Variants in HERC4 observed in about 807,000 individuals in gnomAD.
HERC4 encodes probable E3 ubiquitin-protein ligase HERC4.
In HERC4, 28 loss-of-function variants were observed where a neutral mutation model predicts 124.3. That is an observed-to-expected ratio of 0.23 (90% confidence interval 0.17 to 0.31). HERC4 has a LOEUF of 0.31. Among genes scored for constraint, HERC4 ranks in the 10% least tolerant of loss-of-function variants. The pLI, the probability that HERC4 is intolerant of heterozygous loss-of-function variation, is 1.00. For synonymous variants in HERC4, 407 were observed against 421.5 expected, an observed-to-expected ratio of 0.97 and a Z score of 0.42; for missense variants, 713 against 1,229.3, an observed-to-expected ratio of 0.58 and a Z score of 6.28.
At chr10:68,016,714 C>T (rs2038292455) in intron 8 of HERC4, among the ~76,000 whole-genome samples, 1 of 152,162 alleles carries the variant, frequency 6.6e-6, no homozygotes, top group Non-Finnish European at 1.5e-5. Context: ...CAGATACCTA[C>T]TTACACTTCC....
At chr10:67,925,534 C>A (rs1190449091) in intron 23 of HERC4, among the ~76,000 whole-genome samples, 2 of 152,108 alleles carry the variant, frequency 1.3e-5, no homozygotes, top group African/African-American at 2.4e-5. Context: ...TATTCATGAA[C>A]AGAAGTCAAA....
chr10:67,982,157 G>A (rs896511864), intron 15 of HERC4, among the ~76,000 whole-genome samples: 4 of 152,160 alleles, frequency 2.6e-5, no homozygotes, highest in Admixed American at 2.0e-4. Context: ...AATAGTCAAA[G>A]CTATCTTAAG....
intron 3 of HERC4, among the ~76,000 whole-genome samples, chr10:68,045,024 GA>G (rs2039949742): frequency 1.3e-5 from 2 of 152,160 alleles, no homozygotes; most frequent in Admixed American, 1.3e-4. Context: ...AAGTGATTCT[GA>G]AATTAAGGAA....
At chr10:68,044,222 T>C (rs1293477604) in intron 4 of HERC4, among the ~76,000 whole-genome samples, 182 bp downstream of exon 4, 1 of 151,990 alleles carries the variant, frequency 6.6e-6, no homozygotes, top group East Asian at 1.9e-4. Flanking sequence ...TATATAAAAA[T>C]AGCAAATCAA....
At chr10:67,946,383 AC>A (rs1175954012) in intron 19 of HERC4, among the ~76,000 whole-genome samples, 6 of 145,344 alleles carry the variant, frequency 4.1e-5, no homozygotes, top group African/African-American at 1.5e-4. Context: ...ACACACACAC[AC>A]ACACACACAC....
chr10:67,929,829 TGAGA>T (rs2031583447), intron 23 of HERC4, among the ~76,000 whole-genome samples: 1 of 150,598 alleles, frequency 6.6e-6, no homozygotes, highest in African/African-American at 2.5e-5. Context: ...ATTTTTTTTT[TGAGA>T]TGGAGTTTCA....
chr10:67,989,630 G>A (rs1230858786), intron 14 of HERC4, among the ~76,000 whole-genome samples: 1 of 151,706 alleles, frequency 6.6e-6, no homozygotes, highest in Non-Finnish European at 1.5e-5. Context: ...GTTAAATGTA[G>A]CAAAAAAAGT....
At chr10:68,003,014 C>A (rs1001002581) in intron 9 of HERC4, among the ~76,000 whole-genome samples, 3 of 152,066 alleles carry the variant, frequency 2.0e-5, no homozygotes, top group African/African-American at 7.3e-5. Context: ...GAGTATCCAT[C>A]CCCTCAAGCA....
chr10:68,051,587 C>G (rs1021726038), intron 3 of HERC4, among the ~76,000 whole-genome samples: 2 of 151,942 alleles, frequency 1.3e-5, no homozygotes, highest in East Asian at 1.9e-4. Flanking sequence ...TCTTAATCTC[C>G]TGACCTCGTG....
At chr10:68,016,148 G>A (rs1222605736) in intron 8 of HERC4, among the ~76,000 whole-genome samples, 2 of 152,098 alleles carry the variant, frequency 1.3e-5, no homozygotes, top group African/African-American at 4.8e-5. Context: ...ATAAAGTGGG[G>A]TTCAGAGCCA....
chr10:67,985,505 G>A (rs1469729026), intron 15 of HERC4, among the ~76,000 whole-genome samples: 1 of 152,154 alleles, frequency 6.6e-6, no homozygotes, highest in African/African-American at 2.4e-5. Context: ...GTTCAAGGGT[G>A]GTTATGGTGA....
intron 4 of HERC4, 90 bp downstream of exon 4, chr10:68,044,314 C>A: frequency 7.8e-7 from 1 of 1,286,030 alleles, no homozygotes; most frequent in Non-Finnish European, 1.1e-6. Flanking sequence ...GATGTCAACT[C>A]TTACAGGCCC....
chr10:68,031,734 T>A (rs998818550), intron 7 of HERC4, among the ~76,000 whole-genome samples: 10 of 152,208 alleles, frequency 6.6e-5, no homozygotes, highest in Non-Finnish European at 8.8e-5. Context: ...TGTAGAATTT[T>A]AAAGCCTGAT....
At chr10:68,065,796 G>A (rs898949681) in intron 3 of HERC4, among the ~76,000 whole-genome samples, 2 of 152,038 alleles carry the variant, frequency 1.3e-5, no homozygotes, top group African/African-American at 2.4e-5. Flanking sequence ...GGAAGTCGAG[G>A]CTGCATTGAG....
rs143879879 is a variant in HERC4, at chr10:68,002,855, C to T, written c.1070-10173G>A. Among the ~76,000 whole-genome samples, 925 of 152,038 alleles carry T rather than the reference C, an allele frequency of 6.1e-3. 12 individuals carry two copies. The highest frequency in any genetic ancestry group is 0.021 in the African/African-American group (861 of 41,488). On this transcript the variant is annotated intron_variant, in intron 9 of 24. Coordinates refer to ENST00000373700, the MANE Select transcript of HERC4 (RefSeq NM_015601.4). ...TCTCAAGTGATGTGCATACCTTGGC[C>T]TCCCAAAGTGCTGGGATTACAAGCC...
At chr10:67,956,833 CAAAG>C in intron 17 of HERC4, 41 bp downstream of exon 17, 1 of 1,249,424 alleles carries the variant, frequency 8.0e-7, no homozygotes, top group Non-Finnish European at 1.1e-6. Context: ...CCAGAAACAT[CAAAG>C]AAACAATTAA....
Position 67,990,916 on chromosome 10 carries a change from C to T in HERC4, c.1431G>A (p.Gln477=). ...TTTAAAAACAGACCTGCTGAGATAT[C>T]TGCGGATGATCAGGTTGTATAAGTT... ...FHKLIQPDHP[Q]ISQQVAASLE... The change falls in exon 13 of 25, where the codon CAG becomes CAA. Residue 477 remains glutamine (Q), a synonymous_variant. Transcript: ENST00000373700. 6.3e-7 allele frequency: 1 copy of T among 1,593,360 alleles called. No individual in the cohort carries two copies. Among genetic ancestry groups the T allele is most frequent in the South Asian group, 1.1e-5 (1 of 87,926 alleles).
intron 3 of HERC4, among the ~76,000 whole-genome samples, chr10:68,051,606 G>A (rs1487817323): frequency 1.3e-4 from 19 of 151,074 alleles, no homozygotes; most frequent in African/African-American, 3.7e-4. Flanking sequence ...TGATCCGCCC[G>A]CCTCGGCCTC....
At chr10:67,966,459 A>T (rs2034870876) in intron 16 of HERC4, 1 of 387,034 alleles carries the variant, frequency 2.6e-6, no homozygotes, top group Non-Finnish European at 4.5e-6. Context: ...TTTGTTTTAC[A>T]GTGTAATCCA....
Sources: allele counts gnomAD v4.1 joint callset (sites outside exome capture counted in the v4.1 genomes callset), GRCh38; gene constraint gnomAD v4.1.1; transcripts MANE v1.5; gene names NCBI Gene and HGNC (gene_info 2026-07-23, HGNC 2026-07-21).